ESRRB: variants seen among roughly 807,000 people sequenced by gnomAD.
The protein encoded by ESRRB is estrogen related receptor beta, also known as steroid hormone receptor ERR2.
Under a neutral mutation model 46.0 loss-of-function variants are expected in ESRRB, and 16 were observed. The observed-to-expected ratio is 0.35, with a 90% confidence interval of 0.24 to 0.53. The LOEUF is 0.53. ESRRB is among the 20% of genes least tolerant of loss of function. The pLI is 0.93. For synonymous variants in ESRRB, 246 were observed against 259.6 expected, an observed-to-expected ratio of 0.95 and a Z score of 0.50; for missense variants, 488 against 607.4, an observed-to-expected ratio of 0.80 and a Z score of 2.07.
At chr14:76,350,495 C>T (rs892263294) in intron 1 of ESRRB, among the ~76,000 whole-genome samples, 2 of 152,168 alleles carry the variant, frequency 1.3e-5, no homozygotes, top group African/African-American at 4.8e-5. Context: ...GTGACTGTTG[C>T]CAGGGCCCCA....
intron 2 of ESRRB, among the ~76,000 whole-genome samples, chr14:76,443,562 G>T (rs540509057): frequency 6.6e-6 from 1 of 152,162 alleles, no homozygotes; most frequent in Non-Finnish European, 1.5e-5. Context: ...TTCTAAATTG[G>T]AAGGTTGTCT....
At chr14:76,442,484 AT>A (rs1230960893) in intron 2 of ESRRB, among the ~76,000 whole-genome samples, 1 of 152,204 alleles carries the variant, frequency 6.6e-6, no homozygotes, top group Non-Finnish European at 1.5e-5. Context: ...TCAAAAAAAA[AT>A]AATAAAACTT....
At chr14:76,463,408 T>A (rs1888957556) in intron 3 of ESRRB, 2 of 148,520 alleles carry the variant, frequency 1.3e-5, no homozygotes, top group Non-Finnish European at 2.9e-5. Context: ...ACATGTTAAA[T>A]AAAACATATT....
At chr14:76,473,142 A>C (rs12883849) in intron 3 of ESRRB, among the ~76,000 whole-genome samples, 75,504 of 151,994 alleles carry the variant, frequency 0.5, 18,961 homozygotes, top group Middle Eastern at 0.7. Context: ...CGTTTCTTGG[A>C]TGTGTGATCC....
chr14:76,440,936 T>A (rs1887897147), intron 2 of ESRRB, among the ~76,000 whole-genome samples: 1 of 152,140 alleles, frequency 6.6e-6, no homozygotes, highest in African/African-American at 2.4e-5. Flanking sequence ...TAATCTCAGC[T>A]ACTAGGGAGG....
intron 1 of ESRRB, among the ~76,000 whole-genome samples, chr14:76,436,582 G>A (rs1356175143): frequency 6.6e-6 from 1 of 152,156 alleles, no homozygotes; most frequent in Non-Finnish European, 1.5e-5. Context: ...GTTAGGATGT[G>A]GTCAGCTCTA....
At chr14:76,329,822 G>T (rs1207809411) in intron 1 of ESRRB, among the ~76,000 whole-genome samples, 2 of 152,186 alleles carry the variant, frequency 1.3e-5, no homozygotes, top group Non-Finnish European at 2.9e-5. Flanking sequence ...GCACAAAGCG[G>T]CCCCAAAAGC....
intron 5 of ESRRB, among the ~76,000 whole-genome samples, chr14:76,489,509 G>A (rs1318788595): frequency 1.5e-5 from 2 of 131,274 alleles, no homozygotes; most frequent in East Asian, 2.6e-4. Flanking sequence ...CCTCTCCCCT[G>A]AGAAGGTGCA....
intron 3 of ESRRB, among the ~76,000 whole-genome samples, chr14:76,468,057 A>AT (rs1889197509): frequency 6.6e-6 from 1 of 151,990 alleles, no homozygotes; most frequent in African/African-American, 2.4e-5. Flanking sequence ...TCCTCCGGGG[A>AT]TTCTGGGTAA....
At chr14:76,359,034 C>T (rs987761800) in intron 1 of ESRRB, among the ~76,000 whole-genome samples, 5 of 152,216 alleles carry the variant, frequency 3.3e-5, no homozygotes, top group African/African-American at 1.2e-4. Context: ...AGAACCACTG[C>T]CCTGAAATAA....
intron 2 of ESRRB, among the ~76,000 whole-genome samples, chr14:76,450,145 G>C (rs937124020): frequency 7.9e-5 from 12 of 152,228 alleles, no homozygotes; most frequent in East Asian, 5.8e-4. Flanking sequence ...CTGAGAAAGG[G>C]GGGGGGTCTC....
chr14:76,439,784 G>T (rs1453044117), intron 2 of ESRRB, 34 bp downstream of exon 2: 1 of 1,605,792 alleles, frequency 6.2e-7, no homozygotes, highest in Non-Finnish European at 8.5e-7. Flanking sequence ...CTGGGCGCAG[G>T]GTTGGGGGTG....
At chr14:76,439,294 C>T in intron 1 of ESRRB, 47 bp from the exon 2 acceptor site, 1 of 1,609,498 alleles carries the variant, frequency 6.2e-7, no homozygotes, top group Non-Finnish European at 8.5e-7. Context: ...CCGCCCACCA[C>T]ACCCACAGCA....
At chr14:76,468,595 C>T (rs376476276) in intron 3 of ESRRB, among the ~76,000 whole-genome samples, 67 of 152,190 alleles carry the variant, frequency 4.4e-4, no homozygotes, top group African/African-American at 1.5e-3. Context: ...TTTTGGATAA[C>T]GGTACGGTGG....
intron 2 of ESRRB, among the ~76,000 whole-genome samples, chr14:76,461,747 G>T (rs569487842): frequency 6.6e-6 from 1 of 152,260 alleles, no homozygotes; most frequent in South Asian, 2.1e-4. Flanking sequence ...CTGACCTCAG[G>T]TGATCCACCA....
intron 2 of ESRRB, among the ~76,000 whole-genome samples, chr14:76,447,208 C>G (rs1312546173): frequency 1.3e-5 from 2 of 152,040 alleles, no homozygotes; most frequent in Non-Finnish European, 2.9e-5. Context: ...CTATTACCTC[C>G]TCTCCTTTGT....
intron 1 of ESRRB, among the ~76,000 whole-genome samples, chr14:76,325,806 G>A (rs1883923176): frequency 6.6e-6 from 1 of 152,216 alleles, no homozygotes; most frequent in Non-Finnish European, 1.5e-5. Context: ...AGGGCCATGA[G>A]GGCGCGCTGG....
intron 1 of ESRRB, among the ~76,000 whole-genome samples, chr14:76,345,521 G>A (rs1034370942): frequency 1.3e-5 from 2 of 152,158 alleles, no homozygotes; most frequent in Non-Finnish European, 2.9e-5. Flanking sequence ...AAGAATGGCC[G>A]TAATCAAAAA....
intron 1 of ESRRB, among the ~76,000 whole-genome samples, chr14:76,397,542 G>T (rs1885743790): frequency 6.6e-6 from 1 of 152,182 alleles, no homozygotes; most frequent in Non-Finnish European, 1.5e-5. Flanking sequence ...CGGAGGCTGG[G>T]CTTGCTGGCT....
Sources: allele counts gnomAD v4.1 joint callset (sites outside exome capture counted in the v4.1 genomes callset), GRCh38; gene constraint gnomAD v4.1.1; transcripts MANE v1.5; gene names NCBI Gene and HGNC (gene_info 2026-07-23, HGNC 2026-07-21).